The following NIM1K variants were observed in gnomAD, a reference collection of about 807,000 sequenced individuals.
The protein encoded by NIM1K is serine/threonine-protein kinase NIM1.
A neutral mutation model predicts 37.1 loss-of-function variants in NIM1K; 35 were observed. The observed-to-expected ratio is 0.94, with a 90% CI of 0.72 to 1.25. The LOEUF is 1.25. Among genes scored for constraint, NIM1K ranks in the 50% most tolerant of loss-of-function variants. The pLI, the probability that NIM1K is intolerant of heterozygous loss-of-function variation, is 0.00. For synonymous variants in NIM1K, 234 were observed against 206.6 expected, an observed-to-expected ratio of 1.13 and a Z score of -1.14; for missense variants, 564 against 548.0, an observed-to-expected ratio of 1.03 and a Z score of -0.29.
chr5:43,206,767 C>T (rs1431856340), intron 1 of NIM1K: 2 of 762,632 alleles, frequency 2.6e-6, no homozygotes, highest in African/African-American at 1.7e-5. Flanking sequence ...GATGGTGAGA[C>T]CATTCTAAAA....
intron 1 of NIM1K, among the ~76,000 whole-genome samples, chr5:43,200,294 G>T (rs958699554): frequency 6.6e-6 from 1 of 151,856 alleles, no homozygotes; most frequent in African/African-American, 2.4e-5. Flanking sequence ...TTAAGTAGTA[G>T]TTATTTTATT....
At chr5:43,228,260 C>A (rs1339418455) in intron 1 of NIM1K, among the ~76,000 whole-genome samples, 4 of 151,878 alleles carry the variant, frequency 2.6e-5, no homozygotes, top group Non-Finnish European at 5.9e-5. Flanking sequence ...CATTCTTCTG[C>A]CTCAGCCTCC....
At chr5:43,239,844 T>C (rs1752674338) in intron 1 of NIM1K, among the ~76,000 whole-genome samples, 1 of 152,076 alleles carries the variant, frequency 6.6e-6, no homozygotes, top group Admixed American at 6.5e-5. Flanking sequence ...TTTGCCATTT[T>C]GAGGTTTTTT....
chr5:43,220,355 A>C lies in NIM1K; in HGVS notation c.-694-24727A>C, dbSNP rs1431206294. Among the ~76,000 whole-genome samples the C allele has an allele frequency of 3.5e-5, 5 of 144,872 alleles. 1 individual carries two copies. The Admixed American group carries it at 3.6e-4, about 10-fold the overall frequency. On this transcript the variant is annotated intron_variant, in intron 1 of 3. Transcript: ENST00000326035. The stretch of plus-strand genomic sequence containing the variant: ...GGCTATAGTGCGGTGGCACCATCTC[A>C]GCACACTGCAACCTTCACCTCCCAG...
intron 1 of NIM1K, among the ~76,000 whole-genome samples, chr5:43,217,326 G>A (rs926690749): frequency 2.0e-5 from 3 of 152,044 alleles, no homozygotes; most frequent in Non-Finnish European, 2.9e-5. Flanking sequence ...TTACTGAATA[G>A]TATTCCATTG....
At chr5:43,197,353 C>T (rs550805500) in intron 1 of NIM1K, among the ~76,000 whole-genome samples, 1 of 151,852 alleles carries the variant, frequency 6.6e-6, no homozygotes, top group South Asian at 2.1e-4. Flanking sequence ...CTATGTTGCC[C>T]AGGCTGGTCT....
chr5:43,243,448 G>T (rs1209283493), intron 1 of NIM1K, among the ~76,000 whole-genome samples: 1 of 151,264 alleles, frequency 6.6e-6, no homozygotes, highest in Non-Finnish European at 1.5e-5. Context: ...TATGGGTGAG[G>T]GTTTTTTTTT....
In NIM1K at chr5:43,245,509, G is replaced by A; in HGVS notation, c.-267G>A. 1 of 385,700 alleles carries A rather than the reference G, an allele frequency of 2.6e-6. No individual in the cohort carries two copies. The allele number at this position is 385,700 out of a possible 1,614,324, so 23.9% of individuals were successfully genotyped here. ...TATGTAACATGTGCCTAATTGTACA[G>A]CTAGAGCCTGCAAGTTCAACGTGAG... On this transcript the variant is annotated 5_prime_UTR_variant, in exon 2 of 4. Coordinates refer to ENST00000326035, the MANE Select transcript of NIM1K (RefSeq NM_153361.4).
At chr5:43,273,296 T>G (rs1425116189) in intron 2 of NIM1K, among the ~76,000 whole-genome samples, 1 of 151,718 alleles carries the variant, frequency 6.6e-6, no homozygotes, top group South Asian at 2.1e-4. Context: ...CTCTGCCCCC[T>G]GGGTTCAAGC....
chr5:43,232,826 C>T, intron 1 of NIM1K: 2 of 1,032,358 alleles, frequency 1.9e-6, no homozygotes, highest in South Asian at 2.6e-5. Context: ...AAAACGAGGT[C>T]AGTGATCTCC....
In NIM1K at chr5:43,280,273, G is replaced by A; in HGVS notation, c.855G>A (p.Glu285=). ...TVAKLKKSIL[E]GTYSVPPHVS... The stretch of plus-strand genomic sequence containing the variant: ...CCAAACTAAAAAAGAGCATCCTCGA[G>A]GGCACATACAGTGTACCGCCGCACG... Residue 285 remains glutamate (E), a synonymous_variant, in exon 4 of 4, where the codon GAG becomes GAA. Transcript: ENST00000326035. The A allele has an allele frequency of 6.2e-7, 1 of 1,614,170 alleles. No homozygotes were observed. The highest frequency in any genetic ancestry group is 8.5e-7 in the Non-Finnish European group (1 of 1,180,048).
At chr5:43,261,999 T>C (rs1388417159) in intron 2 of NIM1K, among the ~76,000 whole-genome samples, 3 of 152,212 alleles carry the variant, frequency 2.0e-5, no homozygotes, top group Non-Finnish European at 4.4e-5. Context: ...CCATGCTGTT[T>C]TGGTTACTGT....
intron 1 of NIM1K, among the ~76,000 whole-genome samples, chr5:43,203,071 C>A (rs559485754): frequency 2.6e-5 from 4 of 152,206 alleles, no homozygotes; most frequent in African/African-American, 9.6e-5. Context: ...TTTAGTTTTG[C>A]TCCTAACCGC....
chr5:43,269,704 C>T (rs57962554), intron 2 of NIM1K, among the ~76,000 whole-genome samples: 6,426 of 151,946 alleles, frequency 0.042, 251 homozygotes, highest in African/African-American at 0.11. Flanking sequence ...CTGCAAGCTC[C>T]GCCTCCTGGG....
intron 1 of NIM1K, among the ~76,000 whole-genome samples, chr5:43,203,148 A>G (rs1240926607): frequency 3.9e-5 from 6 of 152,140 alleles, no homozygotes; most frequent in Admixed American, 1.3e-4. Context: ...CTGCACAAGA[A>G]GACCTCCCTC....
At chr5:43,232,435 T>TC in intron 1 of NIM1K, 1 of 1,480,368 alleles carries the variant, frequency 6.8e-7, no homozygotes, top group Non-Finnish European at 9.4e-7. Context: ...CATTCAGGAC[T>TC]CCATCAAATC....
In NIM1K at chr5:43,254,551, G is replaced by A. The variant is rs764787075; in HGVS notation, c.292+8484G>A. 1.8e-4 allele frequency among the ~76,000 whole-genome samples: 27 copies of A among 152,288 alleles called. No homozygotes were observed. The South Asian group carries it at 5.0e-3, about 28-fold the overall frequency. ...ATAATAAACACTCGACAAATATTTG[G>A]TGAGTTAAGTTAGTATAACTTCTCA... is the stretch of plus-strand genomic sequence containing the variant. On this transcript the variant is annotated intron_variant, in intron 2 of 3. Transcript: ENST00000326035.
intron 2 of NIM1K, among the ~76,000 whole-genome samples, chr5:43,252,045 A>G (rs1408641811): frequency 6.6e-6 from 1 of 152,122 alleles, no homozygotes; most frequent in Non-Finnish European, 1.5e-5. Flanking sequence ...GACATTAGCT[A>G]GCTAAGCCGA....
intron 2 of NIM1K, among the ~76,000 whole-genome samples, chr5:43,253,271 A>G (rs959555299): frequency 6.8e-6 from 1 of 147,500 alleles, no homozygotes. Context: ...CATGCCTGAT[A>G]AGGAACTTAC....
Sources: gnomAD v4.1 joint callset for allele counts (sites outside exome capture counted in the v4.1 genomes callset) on GRCh38, gnomAD v4.1.1 for gene constraint, MANE v1.5 for transcripts, NCBI Gene and HGNC (gene_info 2026-07-23, HGNC 2026-07-21) for gene names.